Variants in KIRREL3 observed in about 807,000 individuals in gnomAD.
KIRREL3 encodes kirre like nephrin family adhesion molecule 3.
A neutral mutation model predicts 89.7 loss-of-function variants in KIRREL3; 36 were observed. The ratio of observed to expected loss-of-function variants is 0.40; its 90% CI spans 0.31 to 0.53. KIRREL3 has a LOEUF of 0.53. Among genes scored for constraint, KIRREL3 ranks in the 20% least tolerant of loss-of-function variants. KIRREL3 has a pLI of 0.49. For synonymous variants in KIRREL3, 445 were observed against 441.4 expected (o/e 1.01, Z -0.10); for missense variants, 864 against 1,056.6 (o/e 0.82, Z 2.53).
rs1939878087 is a variant in KIRREL3, at chr11:126,558,596, T to A, written c.133+4239A>T. 6.6e-6 allele frequency among the ~76,000 whole-genome samples: 1 copy of A among 152,196 alleles called. No individual in the cohort carries two copies. Among genetic ancestry groups the A allele is most frequent in the Admixed American group, 6.5e-5 (1 of 15,280 alleles). The stretch of plus-strand genomic sequence containing the variant: ...GCCATGCTGTGTTATTGGGTTGCAC[T>A]GTAATCTCTAGAGTTGTTGACAGGT... On this transcript the variant is annotated intron_variant, in intron 2 of 16. Transcript: ENST00000525144. This position sits in a 1 kb window ranked among gnomAD's most constrained non-coding sequence, Gnocchi z 4.0.
rs1054315634 is a variant in KIRREL3 at position 126,653,052 on chromosome 11, G to C, written c.56-90140C>G. On this transcript the variant is annotated intron_variant, in intron 1 of 16. Coordinates refer to ENST00000525144, the MANE Select transcript of KIRREL3 (RefSeq NM_032531.4). The surrounding 1 kb of genome is among the most constrained non-coding windows in gnomAD (Gnocchi z 5.4). ...GTTTTGTCGGGTTGTGGGGGTGGGG[G>C]AGGGGAAAAAGAGAGCAGGTATAAT... 1.3e-5 allele frequency: 2 copies of C among 151,996 alleles called. No individual in the cohort carries two copies. 9.4% of individuals were successfully genotyped at this position (151,996 alleles called of 1,614,324 possible).
Position 126,495,733 on chromosome 11 carries a change from T to TG in KIRREL3, c.434-22268dup, listed in dbSNP as rs1012328596. Among the ~76,000 whole-genome samples the TG allele has an allele frequency of 4.1e-4, 62 of 152,284 alleles. No homozygotes were observed. Among genetic ancestry groups the TG allele is most frequent in the African/African-American group, 1.5e-3 (62 of 41,560 alleles). On this transcript the variant is annotated intron_variant, in intron 4 of 16. Transcript: ENST00000525144. This position sits in a 1 kb window ranked among gnomAD's most constrained non-coding sequence, Gnocchi z 6.5. ...TTCACCTGCCCTCTCTGAGCCCATG[T>TG]GGGCACTCCCTGCCCTTCTCACCGC...
intron 11 of KIRREL3, among the ~76,000 whole-genome samples, chr11:126,439,762 G>A (rs1955489566): frequency 1.3e-5 from 2 of 151,622 alleles, no homozygotes; most frequent in South Asian, 4.2e-4. Flanking sequence ...AGGTTGCAGT[G>A]AGCCGAGATT....
Position 126,558,860 on chromosome 11 carries a change from G to T in KIRREL3, c.133+3975C>A, listed in dbSNP as rs1939896312. ...GGTGTATGTGTGCATGTGTATACAT[G>T]TGTGCAGGTGTGTGCATGCATGTGT... is the stretch of plus-strand genomic sequence containing the variant. On this transcript the variant is annotated intron_variant, in intron 2 of 16. Coordinates refer to ENST00000525144, the MANE Select transcript of KIRREL3 (RefSeq NM_032531.4). The surrounding 1 kb of genome is among the most constrained non-coding windows in gnomAD (Gnocchi z 4.0). Among the ~76,000 whole-genome samples the T allele has an allele frequency of 6.6e-6, 1 of 152,170 alleles. No homozygotes were observed. Among genetic ancestry groups the T allele is most frequent in the African/African-American group, 2.4e-5 (1 of 41,442 alleles).
In KIRREL3 at chr11:126,766,351, C is replaced by T. The variant is rs538834703; in HGVS notation, c.56-203439G>A. 6.6e-6 allele frequency among the ~76,000 whole-genome samples: 1 copy of T among 152,234 alleles called. No homozygotes were observed. The highest frequency in any genetic ancestry group is 2.1e-4 in the South Asian group (1 of 4,822). ...ATGACAGTGTTGCAGAATTAGAACA[C>T]TCACTCCTACGCGGAGAAGAAAAAA... On this transcript the variant is annotated intron_variant, in intron 1 of 16. Coordinates refer to ENST00000525144, the MANE Select transcript of KIRREL3 (RefSeq NM_032531.4). This position sits in a 1 kb window ranked among gnomAD's most constrained non-coding sequence, Gnocchi z 4.2.
chr11:126,680,415 T>TATATATAGACAC (rs551073557), intron 1 of KIRREL3, among the ~76,000 whole-genome samples: 1 of 151,498 alleles, frequency 6.6e-6, no homozygotes, highest in African/African-American at 2.4e-5. Context: ...TATATATATA[T>TATATATAGACAC]ACACATAGCC....
chr11:126,688,839 C>T (rs551122846), intron 1 of KIRREL3, among the ~76,000 whole-genome samples: 7 of 152,170 alleles, frequency 4.6e-5, no homozygotes, highest in Middle Eastern at 3.4e-3. Flanking sequence ...ATAGCTGTCA[C>T]AAGAAATTTC....
rs185739896 is a variant in KIRREL3, at chr11:126,766,640, T to A, written c.56-203728A>T. ...ATCATTCCATTACCATTTCCTCAAA[T>A]GGGGAGTGTACACACGGAAGTTCTT... On this transcript the variant is annotated intron_variant, in intron 1 of 16. Coordinates refer to ENST00000525144, the MANE Select transcript of KIRREL3 (RefSeq NM_032531.4). The surrounding 1 kb of genome is among the most constrained non-coding windows in gnomAD (Gnocchi z 4.2). Among the ~76,000 whole-genome samples, 2 of 152,216 alleles carry A rather than the reference T, an allele frequency of 1.3e-5. No individual in the cohort carries two copies. Among genetic ancestry groups the A allele is most frequent in the African/African-American group, 4.8e-5 (2 of 41,536 alleles).
chr11:126,735,590 G>C (rs951557216), intron 1 of KIRREL3, among the ~76,000 whole-genome samples: 5 of 152,226 alleles, frequency 3.3e-5, no homozygotes, highest in Non-Finnish European at 5.9e-5. Context: ...TATTGGAGAA[G>C]GTGGCTTTGG....
Position 126,668,549 on chromosome 11 carries a change from G to A in KIRREL3, c.56-105637C>T, listed in dbSNP as rs1359239377. ...AAGAGGAGCCCTGTCAACTGCACCC[G>A]GAATGATGGCCTTTCTTCCTGTTCT... On this transcript the variant is annotated intron_variant, in intron 1 of 16. Transcript: ENST00000525144. This position sits in a 1 kb window ranked among gnomAD's most constrained non-coding sequence, Gnocchi z 4.4. Among the ~76,000 whole-genome samples, 5 of 152,036 alleles carry A rather than the reference G, an allele frequency of 3.3e-5. No individual in the cohort carries two copies. Among genetic ancestry groups the A allele is most frequent in the South Asian group, 2.1e-4 (1 of 4,800 alleles).
At position 126,651,663 on chromosome 11, in the gene KIRREL3, G is replaced by T. The variant is rs1944911274; in HGVS notation, c.56-88751C>A. 6.6e-6 allele frequency among the ~76,000 whole-genome samples: 1 copy of T among 152,182 alleles called. No homozygotes were observed. Among genetic ancestry groups the T allele is most frequent in the Admixed American group, 6.5e-5 (1 of 15,282 alleles). On this transcript the variant is annotated intron_variant, in intron 1 of 16. Transcript: ENST00000525144. This position sits in a 1 kb window ranked among gnomAD's most constrained non-coding sequence, Gnocchi z 4.6. The stretch of plus-strand genomic sequence containing the variant: ...TTACCAAATTTGTGGGTATTATGGA[G>T]ATATTAATTCCATATGAAACCTCAC...
chr11:126,799,987 G>T (rs969862643), intron 1 of KIRREL3, among the ~76,000 whole-genome samples: 5 of 152,206 alleles, frequency 3.3e-5, no homozygotes, highest in African/African-American at 1.2e-4. Flanking sequence ...ACACTCCCTA[G>T]TTCAATCAAT....
In KIRREL3 at chr11:126,995,319, G is replaced by A. The variant is rs1950152444; in HGVS notation, c.55+5136C>T. 2.2e-6 allele frequency: 1 copy of A among 456,204 alleles called. No homozygotes were observed. The highest frequency in any genetic ancestry group is 1.5e-5 in the South Asian group (1 of 64,560). The allele number at this position is 456,204 out of a possible 1,614,324, so 28.3% of individuals were successfully genotyped here. On this transcript the variant is annotated intron_variant, in intron 1 of 16. Coordinates refer to ENST00000525144, the MANE Select transcript of KIRREL3 (RefSeq NM_032531.4). This position sits in a 1 kb window ranked among gnomAD's most constrained non-coding sequence, Gnocchi z 6.5. The stretch of plus-strand genomic sequence containing the variant: ...CAAGATCACTGTGGTGGGGGGAGTT[G>A]AAGTGTGCATTCCAGCATGCTCATG...
intron 1 of KIRREL3, among the ~76,000 whole-genome samples, chr11:126,916,387 G>T (rs1947038198): frequency 1.3e-5 from 2 of 152,164 alleles, no homozygotes; most frequent in South Asian, 4.1e-4. Flanking sequence ...GGCCAAGGGT[G>T]GGCCGCCAGA....
chr11:126,706,061 A>G (rs971207116), intron 1 of KIRREL3, among the ~76,000 whole-genome samples: 1 of 152,220 alleles, frequency 6.6e-6, no homozygotes, highest in African/African-American at 2.4e-5. Context: ...TGAGTGAACC[A>G]CTAGGGCCTT....
At position 126,558,826 on chromosome 11, in the gene KIRREL3, A is replaced by C. The variant is rs1346578995; in HGVS notation, c.133+4009T>G. Reference sequence around the variant, plus strand: ...AGGTGAAGGTTGTGTGCGTGTGTGCACACATGTGGGTGTATGTGTGCATGT... The same window carrying C: ...AGGTGAAGGTTGTGTGCGTGTGTGCCCACATGTGGGTGTATGTGTGCATGT... On this transcript the variant is annotated intron_variant, in intron 2 of 16. Transcript: ENST00000525144. This position sits in a 1 kb window ranked among gnomAD's most constrained non-coding sequence, Gnocchi z 4.0. Among the ~76,000 whole-genome samples, 5 of 151,726 alleles carry C rather than the reference A, an allele frequency of 3.3e-5. No individual in the cohort carries two copies.
chr11:126,646,914 T>G (rs1270354275), intron 1 of KIRREL3, among the ~76,000 whole-genome samples: 1 of 152,226 alleles, frequency 6.6e-6, no homozygotes, highest in Non-Finnish European at 1.5e-5. Context: ...CACAAGCCAA[T>G]GTGGTCATAT....
intron 2 of KIRREL3, among the ~76,000 whole-genome samples, chr11:126,540,540 T>A (rs951828258): frequency 2.0e-5 from 3 of 152,196 alleles, no homozygotes; most frequent in African/African-American, 7.2e-5. Context: ...TCACTATAAA[T>A]CCTTTGCCTA....
chr11:126,437,100 G>T (rs1955376790), intron 11 of KIRREL3, 91 bp from the exon 12 acceptor site: 1 of 1,221,192 alleles, frequency 8.2e-7, no homozygotes, highest in Non-Finnish European at 1.1e-6. Context: ...TCCTGCTCAT[G>T]TTCATGCTCA....
Sources: allele counts gnomAD v4.1 joint callset (sites outside exome capture counted in the v4.1 genomes callset), GRCh38; gene constraint gnomAD v4.1.1; non-coding constraint Gnocchi (gnomAD v3.1); transcripts MANE v1.5; gene names NCBI Gene and HGNC (gene_info 2026-07-23, HGNC 2026-07-21).